KPNA6: variants seen among roughly 807,000 people sequenced by gnomAD.
KPNA6 encodes importin subunit alpha-7.
Under a neutral mutation model 72.0 loss-of-function variants are expected in KPNA6, and 9 were observed. The ratio of observed to expected loss-of-function variants is 0.13; its 90% CI spans 0.08 to 0.22. The LOEUF (loss-of-function observed/expected upper bound fraction) is 0.22, where lower values mean the gene tolerates loss of function less well. KPNA6 is among the 10% of genes least tolerant of loss of function. KPNA6 has a pLI of 1.00. For synonymous variants in KPNA6, 219 were observed against 242.1 expected (o/e 0.90, Z 0.89); for missense variants, 374 against 655.7 (o/e 0.57, Z 4.69).
intron 1 of KPNA6, among the ~76,000 whole-genome samples, chr1:32,149,505 C>T (rs1641991490): frequency 6.6e-6 from 1 of 152,196 alleles, no homozygotes; most frequent in South Asian, 2.1e-4. Flanking sequence ...GGATTATAGG[C>T]TTGAGCTACC....
intron 1 of KPNA6, among the ~76,000 whole-genome samples, chr1:32,133,134 A>G (rs547883011): frequency 5.3e-5 from 8 of 152,136 alleles, no homozygotes; most frequent in Admixed American, 6.5e-5. Flanking sequence ...ACTTGAGCCC[A>G]GGAATTTGAG....
chr1:32,117,414 C>T (rs188577951), intron 1 of KPNA6, among the ~76,000 whole-genome samples: 3,938 of 152,032 alleles, frequency 0.026, 174 homozygotes, highest in African/African-American at 0.089. Context: ...CCTTGTGATC[C>T]ACCCGCCTCG....
intron 1 of KPNA6, among the ~76,000 whole-genome samples, chr1:32,119,032 A>ATATATATATATTTTTT (rs1167325052): frequency 2.5e-5 from 1 of 40,274 alleles, no homozygotes; most frequent in Non-Finnish European, 4.1e-5. Context: ...ATATATATAT[A>ATATATATATATTTTTT]TTTTTTTTTT....
intron 4 of KPNA6, 145 bp from the exon 5 acceptor site, chr1:32,158,122 T>C (rs1290968905): frequency 8.1e-6 from 5 of 614,918 alleles, no homozygotes; most frequent in East Asian, 2.7e-5. Context: ...CGAGTAGATA[T>C]TGTTAAAACC....
Position 32,171,085 on chromosome 1 carries a change from A to AT in KPNA6, c.*191_*192insT. 3.4e-6 allele frequency: 2 copies of AT among 588,120 alleles called. No homozygotes were observed. Among genetic ancestry groups the AT allele is most frequent in the Non-Finnish European group, 6.0e-6 (2 of 331,180 alleles). The allele number at this position is 588,120 out of a possible 1,614,324, so 36.4% of individuals were successfully genotyped here. A position where few individuals can be genotyped will look rare whatever the true frequency, so the allele number is the denominator to read the frequency against. On this transcript the variant is annotated 3_prime_UTR_variant, in exon 14 of 14. Transcript: ENST00000373625. ...CCCTCTGGACAGACAGAACCATCTGAGGCTCACCTTTGGGTTTTGTGACAA... is the reference window on the plus strand; with the variant it reads ...CCCTCTGGACAGACAGAACCATCTGATGGCTCACCTTTGGGTTTTGTGACAA...
Position 32,163,254 on chromosome 1 carries a change from G to A in KPNA6, c.931G>A (p.Ala311Thr). The A allele has an allele frequency of 6.2e-7, 1 of 1,613,272 alleles. No individual in the cohort carries two copies. The highest frequency in any genetic ancestry group is 2.2e-5 in the East Asian group (1 of 44,884). ...CTGTAGGCACAATGATTACAAAGTG[G>A]CTTCTCCTGCCCTGAGAGCCGTGGG... ...ELLMHNDYKV[A>T]SPALRAVGNI... Residue 311 changes from alanine (A) to threonine (T), a missense_variant, in exon 10 of 14, where the codon GCT becomes ACT. Transcript: ENST00000373625.
chr1:32,157,754 A>G (rs1642169827), intron 4 of KPNA6, among the ~76,000 whole-genome samples: 1 of 152,184 alleles, frequency 6.6e-6, no homozygotes, highest in Non-Finnish European at 1.5e-5. Context: ...ATCTTCTAAC[A>G]TAATAAAATG....
At chr1:32,167,611 A>T (rs1384015550) in intron 12 of KPNA6, among the ~76,000 whole-genome samples, 1 of 152,130 alleles carries the variant, frequency 6.6e-6, no homozygotes, top group African/African-American at 2.4e-5. Flanking sequence ...ACTGAAATCT[A>T]TGTAGTTCTC....
At chr1:32,140,292 A>G (rs919867872) in intron 1 of KPNA6, among the ~76,000 whole-genome samples, 20 of 151,994 alleles carry the variant, frequency 1.3e-4, no homozygotes, top group African/African-American at 4.8e-4. Flanking sequence ...GCTGAGGCAG[A>G]AGAATTGCTT....
At chr1:32,142,982 G>A (rs138655529) in intron 1 of KPNA6, 62 of 1,289,810 alleles carry the variant, frequency 4.8e-5, no homozygotes, top group Non-Finnish European at 5.5e-5. Context: ...AGAGGCTAGC[G>A]TCCAGGACAG....
intron 1 of KPNA6, among the ~76,000 whole-genome samples, chr1:32,145,069 C>A (rs935664252): frequency 6.6e-6 from 1 of 151,788 alleles, no homozygotes; most frequent in African/African-American, 2.4e-5. Flanking sequence ...TCTTCTGCCT[C>A]AGCCTCCCAT....
At chr1:32,158,486 A>G in intron 5 of KPNA6, 125 bp downstream of exon 5, 1 of 592,536 alleles carries the variant, frequency 1.7e-6, no homozygotes, top group Non-Finnish European at 3.0e-6. Flanking sequence ...TAAGCAAATC[A>G]TGGAGAATGG....
rs1487247683 is a variant in KPNA6 at position 32,144,709 on chromosome 1, G to T, written c.5-9879G>T. Among the ~76,000 whole-genome samples, 8 of 151,940 alleles carry T rather than the reference G, an allele frequency of 5.3e-5. No homozygotes were observed. The East Asian group carries it at 1.4e-3, about 26-fold the overall frequency. On this transcript the variant is annotated intron_variant, in intron 1 of 13. Coordinates refer to ENST00000373625, the MANE Select transcript of KPNA6 (RefSeq NM_012316.5). ...TCTGTCGCCCAGGGTGGAATGCAGTGGCACAATCTCGCCTCACTGTAACCT... is the reference window on the plus strand; with the variant it reads ...TCTGTCGCCCAGGGTGGAATGCAGTTGCACAATCTCGCCTCACTGTAACCT...
intron 1 of KPNA6, among the ~76,000 whole-genome samples, chr1:32,121,603 C>G (rs757274039): frequency 7.2e-5 from 11 of 152,136 alleles, no homozygotes; most frequent in South Asian, 2.1e-4. Flanking sequence ...CAAGGTAGAT[C>G]AGCTGTGATG....
chr1:32,124,354 C>G (rs1004801051), intron 1 of KPNA6, among the ~76,000 whole-genome samples: 1 of 151,744 alleles, frequency 6.6e-6, no homozygotes, highest in Non-Finnish European at 1.5e-5. Flanking sequence ...GCCTGGGCAA[C>G]AGAGTGAGAC....
intron 1 of KPNA6, among the ~76,000 whole-genome samples, chr1:32,113,173 T>C (rs1161847724): frequency 1.3e-5 from 2 of 152,128 alleles, no homozygotes; most frequent in African/African-American, 4.8e-5. Context: ...GGAGGACTGC[T>C]TGAGCTCAAG....
At chr1:32,132,857 G>C (rs1029566741) in intron 1 of KPNA6, among the ~76,000 whole-genome samples, 66 of 152,018 alleles carry the variant, frequency 4.3e-4, no homozygotes, top group Admixed American at 2.4e-3. Flanking sequence ...GAGCCAAGAT[G>C]GCGCCACTGC....
At chr1:32,145,846 A>G (rs1261418663) in intron 1 of KPNA6, among the ~76,000 whole-genome samples, 1 of 152,226 alleles carries the variant, frequency 6.6e-6, no homozygotes, top group African/African-American at 2.4e-5. Context: ...GTAAGTTATG[A>G]AATCAGGACA....
At position 32,134,237 on chromosome 1, in the gene KPNA6, A is replaced by AC. The variant is rs1339692369; in HGVS notation, c.5-20350dup. 3.3e-5 allele frequency among the ~76,000 whole-genome samples: 5 copies of AC among 150,656 alleles called. No individual in the cohort carries two copies. In the Admixed American group the frequency reaches 3.3e-4, roughly 10 times the overall value. ...GCACCATTGCGCTCCAGCCTTGGTGACAGTACAACACTTCGTCTCAAAAAA... is the reference window on the plus strand; with the variant it reads ...GCACCATTGCGCTCCAGCCTTGGTGACCAGTACAACACTTCGTCTCAAAAAA... On this transcript the variant is annotated intron_variant, in intron 1 of 13. Transcript: ENST00000373625.
Sources: allele counts gnomAD v4.1 joint callset (sites outside exome capture counted in the v4.1 genomes callset), GRCh38; gene constraint gnomAD v4.1.1; transcripts MANE v1.5; gene names NCBI Gene and HGNC (gene_info 2026-07-23, HGNC 2026-07-21).